ETV1: variants seen among roughly 807,000 people sequenced by gnomAD.
The protein encoded by ETV1 is ETS translocation variant 1.
ETV1 carries 27 observed loss-of-function variants against 62.3 expected under a neutral mutation model. The observed-to-expected ratio is 0.43, with a 90% CI of 0.32 to 0.60. The LOEUF is 0.60. Among genes scored for constraint, ETV1 ranks in the 20% least tolerant of loss-of-function variants. The pLI is 0.06. For missense variants in ETV1, 605 were observed against 605.8 expected (o/e 1.00, Z 0.01); for synonymous variants, 222 against 199.6 (o/e 1.11, Z -0.94).
intron 9 of ETV1, among the ~76,000 whole-genome samples, chr7:13,919,890 C>CACAGAGAG (rs1006139122): frequency 2.0e-5 from 3 of 149,242 alleles, no homozygotes; most frequent in African/African-American, 7.4e-5. Context: ...GACACACACA[C>CACAGAGAG]AGAGAGAGAG....
At chr7:13,928,635 G>C (rs191269193) in intron 9 of ETV1, among the ~76,000 whole-genome samples, 22 of 151,336 alleles carry the variant, frequency 1.5e-4, no homozygotes, top group Non-Finnish European at 2.9e-4. Context: ...AAGAGTTTCA[G>C]TGTGGCTCTT....
chr7:13,896,177 T>C lies in ETV1; in HGVS notation c.1213-90A>G, dbSNP rs989585783. 2.9e-6 allele frequency: 3 copies of C among 1,023,758 alleles called. No homozygotes were observed. The Admixed American group carries it at 6.7e-5, about 23-fold the overall frequency. The allele number at this position is 1,023,758 out of a possible 1,614,324, so 63.4% of individuals were successfully genotyped here. On this transcript the variant is annotated intron_variant, in intron 13 of 13. Coordinates refer to ENST00000430479, the MANE Select transcript of ETV1 (RefSeq NM_004956.5). Reference sequence around the variant, plus strand: ...AAAAAGCCAAAAACGTGGTTTAATATACAGGAAAGGATGGGTAACTCTGGC... The same window carrying C: ...AAAAAGCCAAAAACGTGGTTTAATACACAGGAAAGGATGGGTAACTCTGGC...
chr7:13,935,823 G>A lies in ETV1; in HGVS notation c.439C>T (p.Pro147Ser). Residue 147 changes from proline to serine, a missense_variant, in exon 8 of 14, where the codon CCA becomes TCA. By Grantham distance (74) the Pro-to-Ser change is moderately conservative (BLOSUM62 -1). This residue lies in a region of ETV1 where 426 missense variants were observed against 377.8 expected (regional missense o/e 1.13). Transcript: ENST00000430479. The part of the protein sequence containing the change: ...PPTPSSTPVS[P>S]LHHASPNSTH... ...GAGTTTGGAGATGCATGATGCAGTG[G>A]GGACACTGGCGTGCTGGATGGTGTG... The A allele has an allele frequency of 6.2e-7, 1 of 1,613,900 alleles. No individual in the cohort carries two copies. Among genetic ancestry groups the A allele is most frequent in the Non-Finnish European group, 8.5e-7 (1 of 1,179,852 alleles).
chr7:13,934,593 A>C (rs1053573502), intron 8 of ETV1, among the ~76,000 whole-genome samples: 2 of 152,246 alleles, frequency 1.3e-5, no homozygotes, highest in African/African-American at 4.8e-5. Context: ...GCCACTATTA[A>C]CAGTTAAATT....
chr7:13,905,069 T>C (rs1270424300), intron 12 of ETV1, among the ~76,000 whole-genome samples: 5 of 151,504 alleles, frequency 3.3e-5, no homozygotes, highest in Admixed American at 1.3e-4. Context: ...AAAGTATTGA[T>C]ATAAACTGAA....
chr7:13,905,225 C>T (rs374008368), intron 12 of ETV1, among the ~76,000 whole-genome samples: 18 of 151,880 alleles, frequency 1.2e-4, no homozygotes, highest in East Asian at 5.8e-4. Flanking sequence ...TAGTTGAATA[C>T]GTGGTTTAAT....
At chr7:13,982,884 C>T (rs1782140547) in intron 5 of ETV1, among the ~76,000 whole-genome samples, 1 of 151,744 alleles carries the variant, frequency 6.6e-6, no homozygotes, top group African/African-American at 2.4e-5. Flanking sequence ...TTGTGGATGA[C>T]ATTACACATA....
At chr7:13,984,771 A>T (rs2282865) in intron 5 of ETV1, among the ~76,000 whole-genome samples, 86,929 of 151,694 alleles carry the variant, frequency 0.57, 25,239 homozygotes, top group African/African-American at 0.63. Context: ...ATTTTCTAGG[A>T]TTATTTTTTG....
chr7:13,932,348 T>C (rs1394231167), intron 8 of ETV1, among the ~76,000 whole-genome samples: 4 of 152,178 alleles, frequency 2.6e-5, no homozygotes, highest in Non-Finnish European at 4.4e-5. Context: ...CTAGGTATTA[T>C]AAGGACTCAA....
intron 8 of ETV1, among the ~76,000 whole-genome samples, chr7:13,933,632 A>T: frequency 6.6e-6 from 1 of 152,106 alleles, no homozygotes; most frequent in Non-Finnish European, 1.5e-5. Flanking sequence ...TGGGGAAAGG[A>T]TCTGTTCCCA....
chr7:13,946,456 C>A (rs1385925127), intron 6 of ETV1, among the ~76,000 whole-genome samples: 1 of 152,200 alleles, frequency 6.6e-6, no homozygotes, highest in Non-Finnish European at 1.5e-5. Context: ...CCAAAATAAA[C>A]TTAACCACTT....
At chr7:13,945,255 G>A (rs763169394) in intron 6 of ETV1, among the ~76,000 whole-genome samples, 4 of 152,180 alleles carry the variant, frequency 2.6e-5, no homozygotes, top group South Asian at 2.1e-4. Flanking sequence ...GATGTATGCC[G>A]CATTCAAATA....
chr7:13,967,388 C>T (rs1406095317), intron 6 of ETV1, among the ~76,000 whole-genome samples: 2 of 152,060 alleles, frequency 1.3e-5, no homozygotes. Flanking sequence ...ACAAAAGATT[C>T]AAAAGATTAC....
At chr7:13,953,761 G>T (rs1392004300) in intron 6 of ETV1, among the ~76,000 whole-genome samples, 2 of 151,854 alleles carry the variant, frequency 1.3e-5, no homozygotes, top group Non-Finnish European at 2.9e-5. Flanking sequence ...AAATTCCACA[G>T]TGCTGTCCTC....
At chr7:13,916,723 G>A (rs1257924491) in intron 9 of ETV1, among the ~76,000 whole-genome samples, 1 of 152,242 alleles carries the variant, frequency 6.6e-6, no homozygotes, top group East Asian at 1.9e-4. Context: ...GAGCCCAGGA[G>A]TTCAAGACCA....
intron 5 of ETV1, among the ~76,000 whole-genome samples, chr7:13,982,718 G>A (rs1212942659): frequency 6.6e-6 from 1 of 151,942 alleles, no homozygotes; most frequent in Non-Finnish European, 1.5e-5. Context: ...CATGTTTTAT[G>A]TAAACCACAT....
intron 6 of ETV1, among the ~76,000 whole-genome samples, chr7:13,970,263 AACACACACACACACACACACACACAC>A (rs71033966): frequency 0.03 from 3,797 of 126,656 alleles, 186 homozygotes; most frequent in Admixed American, 0.094. Context: ...CCCATCTCAA[AACACACACACACACACACACACACAC>A]ACACACACAC....
intron 6 of ETV1, among the ~76,000 whole-genome samples, chr7:13,947,796 G>A (rs758253196): frequency 5.9e-5 from 9 of 152,032 alleles, no homozygotes; most frequent in Non-Finnish European, 8.8e-5. Context: ...CAGACACTAC[G>A]GCAGGTCCTG....
intron 8 of ETV1, 130 bp from the exon 9 acceptor site, chr7:13,931,879 G>C (rs1317093304): frequency 9.0e-7 from 1 of 1,112,790 alleles, no homozygotes; most frequent in Non-Finnish European, 1.3e-6. Context: ...TCTTTAACAA[G>C]CATTACGTTT....
Sources: allele counts gnomAD v4.1 joint callset (sites outside exome capture counted in the v4.1 genomes callset), GRCh38; gene constraint gnomAD v4.1.1; regional missense constraint gnomAD v4.1.1; transcripts MANE v1.5; gene names NCBI Gene and HGNC (gene_info 2026-07-23, HGNC 2026-07-21).